The following PATJ variants were observed in gnomAD, a reference collection of about 807,000 sequenced individuals.
PATJ encodes PATJ crumbs cell polarity complex component, also known as inaD-like protein.
A neutral mutation model predicts 224.9 loss-of-function variants in PATJ; 190 were observed. The ratio of observed to expected loss-of-function variants is 0.84; its 90% CI spans 0.75 to 0.95. The LOEUF (loss-of-function observed/expected upper bound fraction) is 0.95, where lower values mean the gene tolerates loss of function less well. Ranked by LOEUF, PATJ falls within the 40% of genes least tolerant of loss-of-function variation. PATJ has a pLI of 0.00. For synonymous variants in PATJ, 769 were observed against 820.3 expected (o/e 0.94, Z 1.07); for missense variants, 2,121 against 2,270.3 (o/e 0.93, Z 1.34).
chr1:61,806,584 A>G (rs1040422773), intron 13 of PATJ, among the ~76,000 whole-genome samples: 2 of 150,332 alleles, frequency 1.3e-5, no homozygotes, highest in Non-Finnish European at 3.0e-5. Flanking sequence ...ATGCCACTGC[A>G]CTCCAGGCTG....
At position 61,806,944 on chromosome 1, in the gene PATJ, G is replaced by A. The variant is rs186365700; in HGVS notation, c.1626+1420G>A. On this transcript the variant is annotated intron_variant, in intron 13 of 43. Coordinates refer to ENST00000642238, the MANE Select transcript of PATJ (RefSeq NM_001350145.3). The stretch of plus-strand genomic sequence containing the variant: ...AGAAGGGTGGATCACTTGAGGTCGG[G>A]AGTCTGAGACCAGCCTGGCCAACAT... 3.3e-5 allele frequency among the ~76,000 whole-genome samples: 5 copies of A among 152,104 alleles called. No individual in the cohort carries two copies. In the East Asian group the frequency reaches 7.8e-4, roughly 24 times the overall value.
chr1:62,140,457 G>A (rs10889289), intron 41 of PATJ, among the ~76,000 whole-genome samples: 56,504 of 151,854 alleles, frequency 0.37, 12,551 homozygotes, highest in East Asian at 0.72. Context: ...GTTTGAGACC[G>A]GCCTGGCCAA....
chr1:61,879,840 T>TC (rs1243814176), intron 21 of PATJ, among the ~76,000 whole-genome samples: 1 of 151,658 alleles, frequency 6.6e-6, no homozygotes, highest in Non-Finnish European at 1.5e-5. Context: ...TCTATTTTTT[T>TC]TTTTTCTTTT....
chr1:61,991,993 A>G (rs533329217), intron 28 of PATJ, among the ~76,000 whole-genome samples: 1 of 152,346 alleles, frequency 6.6e-6, no homozygotes, highest in Non-Finnish European at 1.5e-5. Context: ...TGGATTAGAA[A>G]CTGGGTAAAT....
intron 26 of PATJ, among the ~76,000 whole-genome samples, chr1:61,916,609 A>C (rs190312464): frequency 1.4e-4 from 21 of 152,328 alleles, no homozygotes; most frequent in Admixed American, 4.6e-4. Context: ...TTTGTAGATA[A>C]TCTGTCATGT....
intron 33 of PATJ, among the ~76,000 whole-genome samples, chr1:62,106,075 T>TACACAC (rs1358320887): frequency 5.4e-5 from 1 of 18,516 alleles, no homozygotes; most frequent in Non-Finnish European, 1.2e-4. Context: ...TATATATATA[T>TACACAC]ATATACACAC....
At chr1:61,893,805 G>C (rs2498987) in intron 22 of PATJ, among the ~76,000 whole-genome samples, 1 of 149,600 alleles carries the variant, frequency 6.7e-6, no homozygotes, top group Non-Finnish European at 1.5e-5. Flanking sequence ...AAAAAGAAGT[G>C]AATGCCTATA....
intron 33 of PATJ, among the ~76,000 whole-genome samples, chr1:62,092,557 A>G (rs1415481968): frequency 1.3e-5 from 2 of 150,346 alleles, no homozygotes; most frequent in Admixed American, 6.6e-5. Context: ...CTGGGATTGC[A>G]GGCACCCACC....
At chr1:61,758,593 C>A (rs1339928255) in intron 1 of PATJ, among the ~76,000 whole-genome samples, 1 of 152,028 alleles carries the variant, frequency 6.6e-6, no homozygotes, top group African/African-American at 2.4e-5. Flanking sequence ...GTGATCCGCC[C>A]ACCTTGACCT....
chr1:62,026,480 G>T (rs1209570335), intron 29 of PATJ, among the ~76,000 whole-genome samples: 1 of 117,220 alleles, frequency 8.5e-6, no homozygotes, highest in Non-Finnish European at 1.6e-5. Context: ...GTGTGTGTGT[G>T]TGTGTGTCTG....
chr1:61,904,886 A>G (rs1463579906), intron 24 of PATJ, among the ~76,000 whole-genome samples: 1 of 152,224 alleles, frequency 6.6e-6, no homozygotes, highest in Non-Finnish European at 1.5e-5. Flanking sequence ...TTTACTTAGC[A>G]TAATCTCCTT....
chr1:62,040,269 T>C (rs918178066), intron 30 of PATJ, among the ~76,000 whole-genome samples: 1 of 151,934 alleles, frequency 6.6e-6, no homozygotes, highest in African/African-American at 2.4e-5. Flanking sequence ...CTACCACGCC[T>C]GGCTAATTTT....
intron 19 of PATJ, among the ~76,000 whole-genome samples, chr1:61,862,208 G>GT (rs1346455956): frequency 1.3e-4 from 19 of 150,610 alleles, no homozygotes; most frequent in East Asian, 7.9e-4. Context: ...TTGTTATTTT[G>GT]TTTTTTTTGA....
intron 28 of PATJ, among the ~76,000 whole-genome samples, chr1:62,001,459 T>C (rs530975829): frequency 0.025 from 3,759 of 147,714 alleles, 117 homozygotes; most frequent in African/African-American, 0.075. Flanking sequence ...CCTTTCCCCA[T>C]TGCTTATTTT....
chr1:61,930,204 G>A (rs1675819433), intron 27 of PATJ, among the ~76,000 whole-genome samples: 1 of 151,944 alleles, frequency 6.6e-6, no homozygotes, highest in South Asian at 2.1e-4. Context: ...TAAATTTACT[G>A]TTAACCTCCT....
chr1:61,972,865 C>T (rs1047173451), intron 27 of PATJ, among the ~76,000 whole-genome samples: 8 of 139,298 alleles, frequency 5.7e-5, no homozygotes, highest in African/African-American at 8.6e-5. Flanking sequence ...TTGACTTCAC[C>T]ATGTACCTAT....
rs933568027 is a variant in PATJ at position 62,161,193 on chromosome 1, G to T, written c.*139G>T. 1 of 571,188 alleles carries T rather than the reference G, an allele frequency of 1.8e-6. No homozygotes were observed. Among genetic ancestry groups the T allele is most frequent in the Non-Finnish European group, 2.7e-6 (1 of 374,290 alleles). The allele number at this position is 571,188 out of a possible 1,614,324, so 35.4% of individuals were successfully genotyped here. On this transcript the variant is annotated 3_prime_UTR_variant, in exon 44 of 44. Coordinates refer to ENST00000642238, the MANE Select transcript of PATJ (RefSeq NM_001350145.3). ...CTTGCCCTCTCTGCTCAGGAGAAAT[G>T]GCTGAGGTTTCATGTGAATTTCCCA...
At chr1:62,104,500 C>A (rs1382671783) in intron 33 of PATJ, among the ~76,000 whole-genome samples, 2 of 152,034 alleles carry the variant, frequency 1.3e-5, no homozygotes, top group Admixed American at 1.3e-4. Context: ...TATCCAGAAC[C>A]ACAGCTTCAT....
intron 31 of PATJ, among the ~76,000 whole-genome samples, chr1:62,075,489 G>A (rs1400243952): frequency 3.3e-5 from 5 of 152,130 alleles, no homozygotes; most frequent in African/African-American, 1.2e-4. Context: ...TTATAGATGG[G>A]GCGGTCAAGT....
Sources: allele counts gnomAD v4.1 joint callset (sites outside exome capture counted in the v4.1 genomes callset), GRCh38; gene constraint gnomAD v4.1.1; transcripts MANE v1.5; gene names NCBI Gene and HGNC (gene_info 2026-07-23, HGNC 2026-07-21).